Variants in PPM1K observed in about 807,000 individuals in gnomAD.
PPM1K encodes the protein protein phosphatase, Mg2+/Mn2+ dependent 1K.
In PPM1K, 19 loss-of-function variants were observed where a neutral mutation model predicts 32.6. That is an observed-to-expected ratio of 0.58 (90% CI 0.41 to 0.86). The LOEUF (loss-of-function observed/expected upper bound fraction) is 0.86. Ranked by LOEUF, PPM1K falls within the 40% of genes least tolerant of loss-of-function variation. The pLI is 0.00. For synonymous variants in PPM1K, 159 were observed against 165.3 expected (o/e 0.96, Z 0.29); for missense variants, 362 against 461.2 (o/e 0.78, Z 1.97).
In PPM1K at chr4:88,258,678, T is replaced by TAAAA. The variant is rs1731002633; in HGVS notation, c.*3916_*3917insTTTT. On this transcript the variant is annotated 3_prime_UTR_variant, in exon 7 of 7. Coordinates refer to ENST00000608933, the MANE Select transcript of PPM1K (RefSeq NM_152542.5). ...AGATTATGTGCTAATAATTCTCTTT[T>TAAAA]AAGTGTTGGAACAGGGGAAAGTTCA... 6.6e-6 allele frequency: 1 copy of TAAAA among 152,090 alleles called. No individual in the cohort carries two copies. Among genetic ancestry groups the TAAAA allele is most frequent in the East Asian group, 1.9e-4 (1 of 5,176 alleles). The allele number at this position is 152,090 out of a possible 1,614,324, so 9.4% of individuals were successfully genotyped here.
chr4:88,268,091 C>G, intron 5 of PPM1K, 99 bp downstream of exon 5: 1 of 1,291,004 alleles, frequency 7.7e-7, no homozygotes, highest in East Asian at 2.3e-5. Context: ...TTTTAAAAAT[C>G]ATTTTGGCTT....
intron 6 of PPM1K, among the ~76,000 whole-genome samples, chr4:88,264,383 C>T (rs1343518914): frequency 6.6e-6 from 1 of 152,186 alleles, no homozygotes; most frequent in East Asian, 1.9e-4. Flanking sequence ...AACCTCATCC[C>T]TATGCCTTTT....
At position 88,260,697 on chromosome 4, in the gene PPM1K, A is replaced by T. The variant is rs1731085458; in HGVS notation, c.*1898T>A. On this transcript the variant is annotated 3_prime_UTR_variant, in exon 7 of 7. Transcript: ENST00000608933. ...ATCTTCTTCCATTTCCAAAAAGGTA[A>T]GAAGATGTAAATATTTATATTGGGC... The T allele has an allele frequency of 6.6e-6, 1 of 152,110 alleles. No homozygotes were observed. The highest frequency in any genetic ancestry group is 2.4e-5 in the African/African-American group (1 of 41,412). The allele number at this position is 152,110 out of a possible 1,614,324, so 9.4% of individuals were successfully genotyped here.
At chr4:88,284,064 T>G in intron 1 of PPM1K, 1 of 36,352 alleles carries the variant, frequency 2.8e-5, no homozygotes, top group East Asian at 5.2e-4. Context: ...CCACCCACCC[T>G]GCCCGCCTCG....
chr4:88,277,095 C>G, intron 3 of PPM1K, 48 bp downstream of exon 3: 1 of 1,406,350 alleles, frequency 7.1e-7, no homozygotes, highest in Non-Finnish European at 1.0e-6. Context: ...ACTCCTCCCC[C>G]ACCCCATGTA....
At chr4:88,265,442 G>A (rs1731268075) in intron 5 of PPM1K, among the ~76,000 whole-genome samples, 1 of 152,272 alleles carries the variant, frequency 6.6e-6, no homozygotes, top group East Asian at 1.9e-4. Flanking sequence ...CCCTGCACAT[G>A]CTCTCTTGCC....
rs1377249167 is a variant in PPM1K at position 88,284,455 on chromosome 4, C to G, written c.-109G>C. The stretch of plus-strand genomic sequence containing the variant: ...AATGTTTTAATTAGCTAACGGAGGA[C>G]GGGGGAGGAGCTTTCTTGGTCGGTA... On this transcript the variant is annotated 5_prime_UTR_variant, in exon 1 of 7. Transcript: ENST00000608933. 1.3e-5 allele frequency: 2 copies of G among 152,322 alleles called. No individual in the cohort carries two copies. The highest frequency in any genetic ancestry group is 1.3e-4 in the Admixed American group (2 of 15,288). 9.4% of individuals were successfully genotyped at this position (152,322 alleles called of 1,614,324 possible). A position where few individuals can be genotyped will look rare whatever the true frequency, so the allele number is the denominator to read the frequency against.
chr4:88,278,211 C>T lies in PPM1K; in HGVS notation c.373G>A (p.Val125Met), dbSNP rs749632359. ...QLTDEVLYFAVYDGHGGPAAA... is the reference protein window; with the variant it reads ...QLTDEVLYFAMYDGHGGPAAA... ...GCAGGTCCACCGTGTCCATCATACA[C>T]TGCAAAGTACAGGACCTCATCTGTC... The change falls in exon 2 of 7, where the codon GTG becomes ATG. Residue 125 changes from valine to methionine, a missense_variant. Transcript: ENST00000608933. The surrounding 1 kb of genome is among the most constrained non-coding windows in gnomAD (Gnocchi z 4.2). 8.7e-6 allele frequency: 14 copies of T among 1,614,108 alleles called. No individual in the cohort carries two copies. The South Asian group carries it at 1.3e-4, about 15-fold the overall frequency.
At chr4:88,282,130 G>C (rs756398446) in intron 1 of PPM1K, among the ~76,000 whole-genome samples, 1 of 152,230 alleles carries the variant, frequency 6.6e-6, no homozygotes, top group Non-Finnish European at 1.5e-5. Flanking sequence ...GTAAGCAGGG[G>C]AGATTTAGGT....
intron 3 of PPM1K, chr4:88,276,823 A>AT: frequency 9.7e-7 from 1 of 1,026,412 alleles, no homozygotes; most frequent in Non-Finnish European, 1.2e-6. Flanking sequence ...TAGTATGGAC[A>AT]TTTTGTCCAT....
chr4:88,261,446 C>T lies in PPM1K; in HGVS notation c.*1149G>A, dbSNP rs1731110100. On this transcript the variant is annotated 3_prime_UTR_variant, in exon 7 of 7. Transcript: ENST00000608933. ...ATACTATATGCAAAACACAAAATAG[C>T]GTTAGAGATAACAAATGAGAACTTC... 1 of 152,122 alleles carries T rather than the reference C, an allele frequency of 6.6e-6. No homozygotes were observed. The highest frequency in any genetic ancestry group is 1.5e-5 in the Non-Finnish European group (1 of 68,022). 9.4% of individuals were successfully genotyped at this position (152,122 alleles called of 1,614,324 possible). A position where few individuals can be genotyped will look rare whatever the true frequency, so the allele number is the denominator to read the frequency against.
intron 3 of PPM1K, among the ~76,000 whole-genome samples, chr4:88,273,170 A>G (rs1000921431): frequency 6.6e-6 from 1 of 152,248 alleles, no homozygotes; most frequent in Non-Finnish European, 1.5e-5. Flanking sequence ...AATTTCACTT[A>G]AGAAAGTTAA....
chr4:88,265,290 T>C (rs1042173176), intron 5 of PPM1K, among the ~76,000 whole-genome samples, 155 bp from the exon 6 acceptor site: 1 of 152,266 alleles, frequency 6.6e-6, no homozygotes, highest in African/African-American at 2.4e-5. Flanking sequence ...AAATCTCATA[T>C]TGAATTATAG....
In PPM1K at chr4:88,258,896, C is replaced by A. The variant is rs1731012360; in HGVS notation, c.*3699G>T. On this transcript the variant is annotated 3_prime_UTR_variant, in exon 7 of 7. Transcript: ENST00000608933. ...GGTCAGGAGTTCGAGACCAGCCTGG[C>A]CAATATGGCAAAACCCCATCTCTAC... 1 of 151,900 alleles carries A rather than the reference C, an allele frequency of 6.6e-6. No individual in the cohort carries two copies. Among genetic ancestry groups the A allele is most frequent in the African/African-American group, 2.4e-5 (1 of 41,348 alleles). 9.4% of individuals were successfully genotyped at this position (151,900 alleles called of 1,614,324 possible). A position where few individuals can be genotyped will look rare whatever the true frequency, so the allele number is the denominator to read the frequency against.
chr4:88,283,549 T>C (rs1044416184), intron 1 of PPM1K, among the ~76,000 whole-genome samples: 1 of 152,238 alleles, frequency 6.6e-6, no homozygotes, highest in Non-Finnish European at 1.5e-5. Flanking sequence ...GAAAAGCCCG[T>C]GGAGCTTTTG....
chr4:88,277,316 C>T, intron 2 of PPM1K, 73 bp from the exon 3 acceptor site: 2 of 1,008,390 alleles, frequency 2.0e-6, no homozygotes, highest in South Asian at 1.3e-5. Flanking sequence ...GTTACTCTAG[C>T]TAGCAGTCAT....
chr4:88,275,166 A>C (rs907894591), intron 3 of PPM1K: 6 of 549,840 alleles, frequency 1.1e-5, no homozygotes, highest in Non-Finnish European at 1.2e-5. Flanking sequence ...AATGCATTTT[A>C]ATTTCTTTAT....
chr4:88,274,762 A>G (rs1731696197), intron 3 of PPM1K, among the ~76,000 whole-genome samples: 1 of 152,220 alleles, frequency 6.6e-6, no homozygotes, highest in Non-Finnish European at 1.5e-5. Flanking sequence ...CAGTTACACA[A>G]CATATGGCAT....
At chr4:88,269,985 G>A (rs190962621) in intron 3 of PPM1K, among the ~76,000 whole-genome samples, 84 of 152,314 alleles carry the variant, frequency 5.5e-4, no homozygotes, top group Non-Finnish European at 1.0e-4. Flanking sequence ...AAAACAAAGT[G>A]GAAGAAATCG....
Sources: allele counts gnomAD v4.1 joint callset (sites outside exome capture counted in the v4.1 genomes callset), GRCh38; gene constraint gnomAD v4.1.1; non-coding constraint Gnocchi (gnomAD v3.1); transcripts MANE v1.5; gene names NCBI Gene and HGNC (gene_info 2026-07-23, HGNC 2026-07-21).